The following PIEZO2 variants were observed in gnomAD, a reference collection of about 807,000 sequenced individuals.
PIEZO2 encodes the protein piezo type mechanosensitive ion channel component 2.
Under a neutral mutation model 337.3 loss-of-function variants are expected in PIEZO2, and 172 were observed. The observed-to-expected ratio is 0.51, with a 90% CI of 0.45 to 0.58. PIEZO2 has a LOEUF of 0.58. PIEZO2 is among the 20% of genes least tolerant of loss of function. The pLI, the probability that PIEZO2 is intolerant of heterozygous loss-of-function variation, is 0.00. For missense variants in PIEZO2, 3,028 were observed against 3,391.3 expected (o/e 0.89, Z 2.66); for synonymous variants, 1,251 against 1,228.5 (o/e 1.02, Z -0.38).
At chr18:10,793,344 C>T (rs183284783) in intron 13 of PIEZO2, among the ~76,000 whole-genome samples, 1 of 152,220 alleles carries the variant, frequency 6.6e-6, no homozygotes, top group Non-Finnish European at 1.5e-5. Flanking sequence ...ATGACAAAAC[C>T]TTGCACTTTT....
rs758147862 is a variant in PIEZO2 at position 10,696,377 on chromosome 18, T to A, written c.6975+15A>T. 6.2e-7 allele frequency: 1 copy of A among 1,614,140 alleles called. No individual in the cohort carries two copies. Among genetic ancestry groups the A allele is most frequent in the Non-Finnish European group, 8.5e-7 (1 of 1,180,000 alleles). Reference sequence around the variant, plus strand: ...ATGGGTCAGGGCGGGTGCTGTGGCCTTTGCCCCAACCTACCCCAAAGGCCC... The same window carrying A: ...ATGGGTCAGGGCGGGTGCTGTGGCCATTGCCCCAACCTACCCCAAAGGCCC... On this transcript the variant is annotated intron_variant, in intron 46 of 55. Coordinates refer to ENST00000674853, the MANE Select transcript of PIEZO2 (RefSeq NM_001378183.1).
rs1382216219 is a variant in PIEZO2, at chr18:10,781,929, A to G, written c.2493-1563T>C. On this transcript the variant is annotated intron_variant, in intron 17 of 55. Transcript: ENST00000674853. The surrounding 1 kb of genome is among the most constrained non-coding windows in gnomAD (Gnocchi z 4.1). ...CAGAGAAAGCAAAGCCTGACAGTCA[A>G]TCCTAACTCTCAAAATATTCCTTTT... is the stretch of plus-strand genomic sequence containing the variant. Among the ~76,000 whole-genome samples the G allele has an allele frequency of 6.6e-6, 1 of 152,182 alleles. No individual in the cohort carries two copies. The highest frequency in any genetic ancestry group is 6.6e-5 in the Admixed American group (1 of 15,258).
At chr18:10,995,136 AT>A (rs113055627) in intron 2 of PIEZO2, among the ~76,000 whole-genome samples, 6 of 148,734 alleles carry the variant, frequency 4.0e-5, no homozygotes, top group African/African-American at 5.0e-5. Context: ...GCCAACATCT[AT>A]TTTTTTTTAA....
intron 4 of PIEZO2, among the ~76,000 whole-genome samples, chr18:10,906,501 C>T (rs772300832): frequency 7.9e-5 from 12 of 152,002 alleles, no homozygotes; most frequent in Non-Finnish European, 1.3e-4. Context: ...AAAAACGCAG[C>T]CTTAGATAGA....
In PIEZO2 at chr18:10,856,748, C is replaced by T. The variant is rs1008888068; in HGVS notation, c.703+253G>A. The stretch of plus-strand genomic sequence containing the variant: ...CTAATCTAAACCTAGAAAATGGAGT[C>T]GCTTAGCATATATAGAAAAAGATTA... On this transcript the variant is annotated intron_variant, in intron 6 of 55. Transcript: ENST00000674853. The surrounding 1 kb of genome is among the most constrained non-coding windows in gnomAD (Gnocchi z 4.7). 6.6e-6 allele frequency among the ~76,000 whole-genome samples: 1 copy of T among 152,060 alleles called. No homozygotes were observed. Among genetic ancestry groups the T allele is most frequent in the Non-Finnish European group, 1.5e-5 (1 of 68,024 alleles).
intron 7 of PIEZO2, among the ~76,000 whole-genome samples, chr18:10,827,211 AT>A (rs959508217): frequency 5.9e-5 from 9 of 152,050 alleles, no homozygotes; most frequent in Admixed American, 4.6e-4. Flanking sequence ...TATGCTCTTT[AT>A]TTTTTTCTGA....
chr18:11,011,394 T>TAC (rs2035895833), intron 2 of PIEZO2, among the ~76,000 whole-genome samples: 1 of 152,218 alleles, frequency 6.6e-6, no homozygotes, highest in Non-Finnish European at 1.5e-5. Context: ...TGTTTGACTT[T>TAC]TATCTCTTAT....
intron 4 of PIEZO2, among the ~76,000 whole-genome samples, chr18:10,901,432 A>G (rs200687510): frequency 0.021 from 502 of 23,826 alleles, 1 homozygote; most frequent in East Asian, 0.067. Context: ...ACACACACGC[A>G]CACACACACA....
Position 10,815,283 on chromosome 18 carries a change from G to C in PIEZO2, c.918-8009C>G, listed in dbSNP as rs577006725. The stretch of plus-strand genomic sequence containing the variant: ...AACTCAGGATAAACTTAAAATCAGA[G>C]GCTATAGGGCTAAAAGAAAAGAATG... On this transcript the variant is annotated intron_variant, in intron 7 of 55. Coordinates refer to ENST00000674853, the MANE Select transcript of PIEZO2 (RefSeq NM_001378183.1). This position sits in a 1 kb window ranked among gnomAD's most constrained non-coding sequence, Gnocchi z 4.1. Among the ~76,000 whole-genome samples, 93 of 152,264 alleles carry C rather than the reference G, an allele frequency of 6.1e-4. No individual in the cohort carries two copies. Among genetic ancestry groups the C allele is most frequent in the African/African-American group, 2.2e-3 (90 of 41,546 alleles).
chr18:10,979,537 T>A lies in PIEZO2; in HGVS notation c.284A>T (p.Asn95Ile). 1 of 1,527,444 alleles carries A rather than the reference T, an allele frequency of 6.5e-7. No individual in the cohort carries two copies. Among genetic ancestry groups the A allele is most frequent in the South Asian group, 1.2e-5 (1 of 82,698 alleles). 94.6% of individuals were successfully genotyped at this position (1,527,444 alleles called of 1,614,324 possible). A position where few individuals can be genotyped will look rare whatever the true frequency, so the allele number is the denominator to read the frequency against. The part of the protein sequence containing the change: ...EAQHRIAPGY[N>I]CSTWEKTFRQ... ...AAAGAAAACACCATAATACTCACAG[T>A]TGTAGCCAGGTGCAATACGATGTTG... Residue 95 changes from asparagine (N) to isoleucine (I), a missense_variant and splice_region_variant, in exon 3 of 56, where the codon AAC becomes ATC. This residue lies in a region of PIEZO2 where 542 missense variants were observed against 605.6 expected (regional missense o/e 0.89). Coordinates refer to ENST00000674853, the MANE Select transcript of PIEZO2 (RefSeq NM_001378183.1). This position sits in a 1 kb window ranked among gnomAD's most constrained non-coding sequence, Gnocchi z 4.0.
At chr18:11,044,729 T>C (rs1350921629) in intron 2 of PIEZO2, among the ~76,000 whole-genome samples, 1 of 152,200 alleles carries the variant, frequency 6.6e-6, no homozygotes, top group Non-Finnish European at 1.5e-5. Flanking sequence ...GCTATGAAGA[T>C]AGAATTAGCG....
Position 10,724,344 on chromosome 18 carries a change from G to A in PIEZO2, c.5030-6085C>T, listed in dbSNP as rs2036438808. Among the ~76,000 whole-genome samples the A allele has an allele frequency of 6.6e-6, 1 of 152,152 alleles. No homozygotes were observed. Among genetic ancestry groups the A allele is most frequent in the Non-Finnish European group, 1.5e-5 (1 of 68,022 alleles). ...ACTGCACTCCACCTTGGGTGACAGA[G>A]CAAGACCCTGTCTCAAAAAACAAAA... On this transcript the variant is annotated intron_variant, in intron 36 of 55. Coordinates refer to ENST00000674853, the MANE Select transcript of PIEZO2 (RefSeq NM_001378183.1). This position sits in a 1 kb window ranked among gnomAD's most constrained non-coding sequence, Gnocchi z 5.8.
intron 2 of PIEZO2, among the ~76,000 whole-genome samples, chr18:11,011,607 A>T (rs1303889777): frequency 6.6e-6 from 1 of 152,246 alleles, no homozygotes; most frequent in Non-Finnish European, 1.5e-5. Context: ...TAAATAGAAT[A>T]TAATGCTTTA....
rs919843516 is a variant in PIEZO2 at position 10,973,109 on chromosome 18, T to C, written c.286+6426A>G. Among the ~76,000 whole-genome samples, 7 of 152,210 alleles carry C rather than the reference T, an allele frequency of 4.6e-5. No individual in the cohort carries two copies. The highest frequency in any genetic ancestry group is 1.7e-4 in the African/African-American group (7 of 41,458). ...ATATTTGTCAGGATAAAATGAGATA[T>C]TCTATTTGAAAACTGCTGCATAAAG... On this transcript the variant is annotated intron_variant, in intron 3 of 55. Coordinates refer to ENST00000674853, the MANE Select transcript of PIEZO2 (RefSeq NM_001378183.1). The surrounding 1 kb of genome is among the most constrained non-coding windows in gnomAD (Gnocchi z 4.9).
chr18:10,974,543 C>A (rs1028860919), intron 3 of PIEZO2, among the ~76,000 whole-genome samples: 1 of 152,146 alleles, frequency 6.6e-6, no homozygotes, highest in Non-Finnish European at 1.5e-5. Flanking sequence ...ATAGACTTAT[C>A]CAAAGTCCTA....
chr18:10,921,210 G>A (rs1163656988), intron 3 of PIEZO2, among the ~76,000 whole-genome samples: 1 of 152,112 alleles, frequency 6.6e-6, no homozygotes, highest in Non-Finnish European at 1.5e-5. Flanking sequence ...TGGAATTGTG[G>A]AAAAGATAAG....
At chr18:10,883,498 G>A (rs1386915462) in intron 4 of PIEZO2, among the ~76,000 whole-genome samples, 1 of 152,000 alleles carries the variant, frequency 6.6e-6, no homozygotes, top group Non-Finnish European at 1.5e-5. Flanking sequence ...ACGTAGCTAG[G>A]CATACGTTAG....
intron 2 of PIEZO2, among the ~76,000 whole-genome samples, chr18:11,051,220 A>G (rs1159459749): frequency 2.0e-5 from 3 of 152,060 alleles, no homozygotes; most frequent in South Asian, 4.2e-4. Context: ...ATCTATTACA[A>G]TGTTGTCCAA....
At chr18:10,937,745 C>T (rs1337253422) in intron 3 of PIEZO2, among the ~76,000 whole-genome samples, 1 of 152,220 alleles carries the variant, frequency 6.6e-6, no homozygotes, top group African/African-American at 2.4e-5. Context: ...CACTTCTGGT[C>T]TCTCCTAAGC....
Sources: gnomAD v4.1 joint callset for allele counts (sites outside exome capture counted in the v4.1 genomes callset) on GRCh38, gnomAD v4.1.1 for gene constraint, gnomAD v4.1.1 regional missense constraint, Gnocchi (gnomAD v3.1) non-coding constraint, MANE v1.5 for transcripts, NCBI Gene and HGNC (gene_info 2026-07-23, HGNC 2026-07-21) for gene names.